CYP4F3: variants seen among roughly 807,000 people sequenced by gnomAD.
The protein encoded by CYP4F3 is cytochrome P450 family 4 subfamily F member 3.
CYP4F3 carries 50 observed loss-of-function variants against 54.8 expected under a neutral mutation model. The ratio of observed to expected loss-of-function variants is 0.91; its 90% CI spans 0.73 to 1.16. The LOEUF (loss-of-function observed/expected upper bound fraction) is 1.16, where lower values mean the gene tolerates loss of function less well. Ranked by LOEUF, CYP4F3 falls within the 50% of genes most tolerant of loss-of-function variation. The pLI, the probability that CYP4F3 is intolerant of heterozygous loss-of-function variation, is 0.00. For missense variants in CYP4F3, 715 were observed against 676.2 expected (o/e 1.06, Z -0.64); for synonymous variants, 244 against 262.6 (o/e 0.93, Z 0.69).
At position 15,652,403 on chromosome 19, in the gene CYP4F3, G is replaced by T. The variant is rs941394204; in HGVS notation, c.919-166G>T. Among the ~76,000 whole-genome samples the T allele has an allele frequency of 2.0e-5, 3 of 152,100 alleles. No homozygotes were observed. In the South Asian group the frequency reaches 6.2e-4, roughly 32 times the overall value. On this transcript the variant is annotated intron_variant, in intron 7 of 12. Transcript: ENST00000221307. ...CCAGGGAGGAAGCCCATGGGGTTGG[G>T]GCTCTGGCCATGGTGACCAAGAAGG...
Position 15,660,906 on chromosome 19 carries a change from G to T in CYP4F3, c.*1521G>T, listed in dbSNP as rs1197787949. 2 of 151,930 alleles carry T rather than the reference G, an allele frequency of 1.3e-5. No individual in the cohort carries two copies. The highest frequency in any genetic ancestry group is 2.9e-5 in the Non-Finnish European group (2 of 67,988). 9.4% of individuals were successfully genotyped at this position (151,930 alleles called of 1,614,324 possible). A position where few individuals can be genotyped will look rare whatever the true frequency, so the allele number is the denominator to read the frequency against. ...TAATTGTTGTATTTTTAATAGAGGC[G>T]GGGTTTCGCCATGTTGCACTGGCTG... On this transcript the variant is annotated 3_prime_UTR_variant, in exon 13 of 13. Coordinates refer to ENST00000221307, the MANE Select transcript of CYP4F3 (RefSeq NM_000896.3).
rs147278466 is a variant in CYP4F3 at position 15,647,308 on chromosome 19, G to A, written c.509G>A (p.Ser170Asn). Residue 170 changes from serine (S) to asparagine (N), a missense_variant, in exon 5 of 13, where the codon AGT becomes AAT. By Grantham distance (46) the Ser-to-Asn change is conservative (BLOSUM62 1). Transcript: ENST00000221307. ...LKPYMKIFNE[S>N]VNIMHAKWQL... The stretch of plus-strand genomic sequence containing the variant: ...CCCTATATGAAGATTTTCAATGAGA[G>A]TGTGAACATCATGCATGTGAGTTAT... The A allele has an allele frequency of 1.9e-6, 3 of 1,614,104 alleles. No individual in the cohort carries two copies. The African/African-American group carries it at 4.0e-5, about 22-fold the overall frequency.
In CYP4F3 at chr19:15,662,511, T is replaced by G. The variant is rs964086959; in HGVS notation, c.*3126T>G. 6.6e-6 allele frequency: 1 copy of G among 152,044 alleles called. No individual in the cohort carries two copies. Among genetic ancestry groups the G allele is most frequent in the Non-Finnish European group, 1.5e-5 (1 of 68,024 alleles). 9.4% of individuals were successfully genotyped at this position (152,044 alleles called of 1,614,324 possible). ...TCAACTACATTTTTTCCCCAATAATTTTTGGCTATTCTGCTTCCTTTGTGT... is the reference window on the plus strand; with the variant it reads ...TCAACTACATTTTTTCCCCAATAATGTTTGGCTATTCTGCTTCCTTTGTGT... On this transcript the variant is annotated 3_prime_UTR_variant, in exon 13 of 13. Coordinates refer to ENST00000221307, the MANE Select transcript of CYP4F3 (RefSeq NM_000896.3).
chr19:15,648,307 G>A (rs1972690844), intron 5 of CYP4F3, among the ~76,000 whole-genome samples: 1 of 151,846 alleles, frequency 6.6e-6, no homozygotes, highest in Non-Finnish European at 1.5e-5. Flanking sequence ...AATCCCATGG[G>A]CTGACACAAG....
chr19:15,654,866 G>T (rs1373396675), intron 9 of CYP4F3, among the ~76,000 whole-genome samples: 2 of 152,128 alleles, frequency 1.3e-5, no homozygotes, highest in Non-Finnish European at 2.9e-5. Flanking sequence ...CTTTGGGATA[G>T]AAATTTCTTC....
chr19:15,645,815 G>T lies in CYP4F3; in HGVS notation c.295G>T (p.Val99Phe), dbSNP rs141337818. The T allele has an allele frequency of 1.2e-6, 2 of 1,613,946 alleles. No homozygotes were observed. Among genetic ancestry groups the T allele is most frequent in the South Asian group, 1.1e-5 (1 of 91,048 alleles). ...GTGGGTGGGGCCCTGGCACGCAATC[G>T]TCCGCATCTTCCACCCCACCTACAT... ...CWWVGPWHAI[V>F]RIFHPTYIKP... Residue 99 changes from valine to phenylalanine, a missense_variant, in exon 3 of 13, where the codon GTC (valine) becomes TTC (phenylalanine). Transcript: ENST00000221307.
intron 5 of CYP4F3, among the ~76,000 whole-genome samples, chr19:15,648,076 G>A (rs546752494): frequency 9.9e-5 from 15 of 152,264 alleles, no homozygotes; most frequent in African/African-American, 2.9e-4. Flanking sequence ...ACATTGCAAA[G>A]GGTGTGGATA....
Position 15,662,597 on chromosome 19 carries a change from A to G in CYP4F3, c.*3212A>G, listed in dbSNP as rs1214128987. 1 of 152,162 alleles carries G rather than the reference A, an allele frequency of 6.6e-6. No homozygotes were observed. The highest frequency in any genetic ancestry group is 1.5e-5 in the Non-Finnish European group (1 of 68,032). The allele number at this position is 152,162 out of a possible 1,614,324, so 9.4% of individuals were successfully genotyped here. Reference sequence around the variant, plus strand: ...TACAAATAGTCCTGATAGGGTTTGAATTGGGATTTCTGTGAATCTATAGAT... The same window carrying G: ...TACAAATAGTCCTGATAGGGTTTGAGTTGGGATTTCTGTGAATCTATAGAT... On this transcript the variant is annotated 3_prime_UTR_variant, in exon 13 of 13. Coordinates refer to ENST00000221307, the MANE Select transcript of CYP4F3 (RefSeq NM_000896.3).
Position 15,652,851 on chromosome 19 carries a change from C to T in CYP4F3, c.1014C>T (p.Ser338=). The change falls in exon 9 of 13, where the codon TCC becomes TCT. Residue 338 remains serine, a synonymous_variant. Transcript: ENST00000221307. ...ATGACACCACAGCCAGTGGTCTCTC[C>T]TGGGTCCTGTACCACCTTGCAAAGC... ...EGHDTTASGL[S]WVLYHLAKHP... 6.2e-7 allele frequency: 1 copy of T among 1,613,694 alleles called. No individual in the cohort carries two copies. Among genetic ancestry groups the T allele is most frequent in the Non-Finnish European group, 8.5e-7 (1 of 1,179,750 alleles).
intron 1 of CYP4F3, chr19:15,641,209 T>C: frequency 1.7e-6 from 1 of 598,152 alleles, no homozygotes; most frequent in Non-Finnish European, 2.9e-6. Flanking sequence ...TCTAAGTGCT[T>C]ACCGGGTAAC....
chr19:15,646,028 G>A (rs1015961487), intron 3 of CYP4F3, among the ~76,000 whole-genome samples, 165 bp downstream of exon 3: 12 of 152,204 alleles, frequency 7.9e-5, no homozygotes, highest in African/African-American at 2.9e-4. Context: ...CCATCTGTCT[G>A]ACCTCTGTTC....
At chr19:15,654,080 G>T (rs1599906266) in intron 9 of CYP4F3, among the ~76,000 whole-genome samples, 1 of 143,354 alleles carries the variant, frequency 7.0e-6, no homozygotes, top group Non-Finnish European at 1.6e-5. Flanking sequence ...CTCAAGCCAG[G>T]CCAGGGGCTG....
chr19:15,651,001 G>T (rs1020037985), intron 7 of CYP4F3, among the ~76,000 whole-genome samples: 19 of 149,998 alleles, frequency 1.3e-4, no homozygotes, highest in Admixed American at 6.7e-4. Flanking sequence ...TCAGCCTCCC[G>T]AGTAGCTAGG....
chr19:15,649,413 C>A, intron 6 of CYP4F3, 132 bp downstream of exon 6: 1 of 1,448,656 alleles, frequency 6.9e-7, no homozygotes, highest in Non-Finnish European at 9.4e-7. Context: ...CGTTGAAGGA[C>A]TGGTATGAAT....
chr19:15,649,171 G>A lies in CYP4F3; in HGVS notation c.537G>A (p.Gln179=). Residue 179 remains glutamine (Q), a synonymous_variant, in exon 6 of 13, where the codon CAG becomes CAA. Transcript: ENST00000221307. ...CCTTCTCTGGCTAGGCCAAGTGGCAGCTCCTGGCCTCAGAGGGTAGTGCCC... is the reference window on the plus strand; with the variant it reads ...CCTTCTCTGGCTAGGCCAAGTGGCAACTCCTGGCCTCAGAGGGTAGTGCCC... ...ESVNIMHAKW[Q]LLASEGSARL... is the part of the protein sequence containing the mutation. 1 of 1,613,422 alleles carries A rather than the reference G, an allele frequency of 6.2e-7. No homozygotes were observed. Among genetic ancestry groups the A allele is most frequent in the Non-Finnish European group, 8.5e-7 (1 of 1,179,500 alleles).
At position 15,647,270 on chromosome 19, in the gene CYP4F3, C is replaced by A. The variant is rs377659581; in HGVS notation, c.471C>A (p.Phe157Leu). 4.3e-6 allele frequency: 7 copies of A among 1,614,098 alleles called. No homozygotes were observed. The African/African-American group carries it at 9.3e-5, about 22-fold the overall frequency. ...GGATGCTGACGCCTGCCTTCCATTT[C>A]AACATCCTGAAGCCCTATATGAAGA... ...HRRMLTPAFH[F>L]NILKPYMKIF... Residue 157 changes from phenylalanine (F) to leucine (L), a missense_variant, in exon 5 of 13, where the codon TTC becomes TTA. Phe to Leu is a conservative substitution (Grantham distance 22). Coordinates refer to ENST00000221307, the MANE Select transcript of CYP4F3 (RefSeq NM_000896.3).
In CYP4F3 at chr19:15,649,103, G is replaced by A. The variant is rs796559158; in HGVS notation, c.526-57G>A. The A allele has an allele frequency of 1.6e-5, 25 of 1,605,732 alleles. No homozygotes were observed. In the African/African-American group the frequency reaches 3.1e-4, roughly 20 times the overall value. ...GCGTGCATATTGATTGTTGGGGTTG[G>A]AGAGCTGCTCAAGGGAGCAAGGGAC... On this transcript the variant is annotated intron_variant, in intron 5 of 12. Coordinates refer to ENST00000221307, the MANE Select transcript of CYP4F3 (RefSeq NM_000896.3).
chr19:15,643,254 GAT>G (rs951056262), intron 2 of CYP4F3, among the ~76,000 whole-genome samples: 2 of 151,992 alleles, frequency 1.3e-5, no homozygotes, highest in South Asian at 2.1e-4. Context: ...AGATATATAA[GAT>G]AGAATGGATG....
intron 9 of CYP4F3, among the ~76,000 whole-genome samples, chr19:15,656,548 A>G (rs1211072441): frequency 7.5e-6 from 1 of 132,922 alleles, no homozygotes; most frequent in Non-Finnish European, 1.7e-5. Flanking sequence ...CAATGTATCT[A>G]TCATTGATCT....
Sources: gnomAD v4.1 joint callset for allele counts (sites outside exome capture counted in the v4.1 genomes callset) on GRCh38, gnomAD v4.1.1 for gene constraint, MANE v1.5 for transcripts, NCBI Gene and HGNC (gene_info 2026-07-23, HGNC 2026-07-21) for gene names.